Variants in TMEM151A observed in about 807,000 individuals in gnomAD.
TMEM151A encodes the protein transmembrane protein 151.
Under a neutral mutation model 33.7 loss-of-function variants are expected in TMEM151A, and 21 were observed. The ratio of observed to expected loss-of-function variants is 0.62; its 90% CI spans 0.44 to 0.90. The LOEUF (loss-of-function observed/expected upper bound fraction) is 0.90, where lower values mean the gene tolerates loss of function less well. Ranked by LOEUF, TMEM151A falls within the 40% of genes least tolerant of loss-of-function variation. The pLI is 0.00. For missense variants in TMEM151A, 704 were observed against 697.7 expected (o/e 1.01, Z -0.10); for synonymous variants, 374 against 330.3 (o/e 1.13, Z -1.43).
chr11:66,292,771 G>A lies in TMEM151A; in HGVS notation c.75+683G>A, dbSNP rs1857469649. ...TGTGCGCCCTGTAGTCAGGTGAGGG[G>A]CGAGTGGGTGCCTGGCTCGGGTTGT... On this transcript the variant is annotated intron_variant, in intron 1 of 1. Coordinates refer to ENST00000327259, the MANE Select transcript of TMEM151A (RefSeq NM_153266.4). This position sits in a 1 kb window ranked among gnomAD's most constrained non-coding sequence, Gnocchi z 4.7. Among the ~76,000 whole-genome samples the A allele has an allele frequency of 6.6e-6, 1 of 152,004 alleles. No individual in the cohort carries two copies. The highest frequency in any genetic ancestry group is 1.5e-5 in the Non-Finnish European group (1 of 68,010).
chr11:66,295,490 CG>C lies in TMEM151A; in HGVS notation c.1245del (p.Pro416GlnfsTer7). 1.4e-6 allele frequency: 2 copies of C among 1,397,860 alleles called. No individual in the cohort carries two copies. Among genetic ancestry groups the C allele is most frequent in the Non-Finnish European group, 1.9e-6 (2 of 1,077,666 alleles). The allele number at this position is 1,397,860 out of a possible 1,614,324, so 86.6% of individuals were successfully genotyped here. A position where few individuals can be genotyped will look rare whatever the true frequency, so the allele number is the denominator to read the frequency against. ...TCGCTGGGCGCTGGCGGCCGGGCCA[CG>C]CCAGGGGTCTTCCGCAGCCTGAGCG... ...RLSLGAGGRA[T>X]PGVFRSLSGG... On this transcript the variant is annotated frameshift_variant, in exon 2 of 2. Coordinates refer to ENST00000327259, the MANE Select transcript of TMEM151A (RefSeq NM_153266.4). LOFTEE classifies it high-confidence loss of function.
At chr11:66,294,221 G>A (rs2134898037) in intron 1 of TMEM151A, 101 bp from the exon 2 acceptor site, 1 of 1,514,450 alleles carries the variant, frequency 6.6e-7, no homozygotes, top group South Asian at 1.3e-5. Context: ...TCTGTAAAAT[G>A]GGGCTCACGG....
Position 66,295,258 on chromosome 11 carries a change from G to C in TMEM151A, c.1012G>C (p.Val338Leu). The C allele has an allele frequency of 6.4e-7, 1 of 1,561,930 alleles. No individual in the cohort carries two copies. The highest frequency in any genetic ancestry group is 8.7e-7 in the Non-Finnish European group (1 of 1,154,058). ...AVPSGPPLSR[V>L]ATVDFTELEW... ...GCCCAGCGGGCCCCCGCTGTCCCGC[G>C]TGGCCACAGTGGACTTCACTGAGCT... The change falls in exon 2 of 2, where the codon GTG becomes CTG. Residue 338 changes from valine (V) to leucine (L), a missense_variant. By Grantham distance (32) the Val-to-Leu change is conservative. Around this residue, in one of 3 missense-constraint regions of TMEM151A, gnomAD observed 398 missense variants for 356.0 expected, o/e 1.12. Transcript: ENST00000327259.
chr11:66,294,621 C>T lies in TMEM151A; in HGVS notation c.375C>T (p.Cys125=), dbSNP rs138482881. Residue 125 remains cysteine (C), a synonymous_variant, in exon 2 of 2, where the codon TGC becomes TGT. Coordinates refer to ENST00000327259, the MANE Select transcript of TMEM151A (RefSeq NM_153266.4). ...AECWHCHVRS[C]QAPRTDAHTV... ...GCTGGCACTGTCACGTGCGGTCCTG[C>T]CAGGCGCCACGCACCGACGCCCACA... The T allele has an allele frequency of 4.3e-4, 691 of 1,611,792 alleles. No homozygotes were observed. The highest frequency in any genetic ancestry group is 5.5e-4 in the Non-Finnish European group (652 of 1,179,242).
Position 66,296,122 on chromosome 11 carries a change from G to A in TMEM151A, c.*469G>A, listed in dbSNP as rs1254063385. On this transcript the variant is annotated 3_prime_UTR_variant, in exon 2 of 2. Transcript: ENST00000327259. ...CTTCCCTGGGGCTGAAGAGCTGGCT[G>A]TGGTGGCACCATGGCCTTGGCCCTG... is the stretch of plus-strand genomic sequence containing the variant. The A allele has an allele frequency of 1.3e-5, 2 of 155,102 alleles. No homozygotes were observed. Among genetic ancestry groups the A allele is most frequent in the African/African-American group, 4.8e-5 (2 of 41,558 alleles). The allele number at this position is 155,102 out of a possible 1,614,324, so 9.6% of individuals were successfully genotyped here. A position where few individuals can be genotyped will look rare whatever the true frequency, so the allele number is the denominator to read the frequency against.
Position 66,295,091 on chromosome 11 carries a change from ACG to A in TMEM151A, c.853_854del (p.Ala285LeufsTer60), listed in dbSNP as rs1565190424. 8 of 1,595,816 alleles carry A rather than the reference ACG, an allele frequency of 5.0e-6. No homozygotes were observed. Among genetic ancestry groups the A allele is most frequent in the Non-Finnish European group, 5.9e-6 (7 of 1,177,604 alleles). ...GCCGACCCCCGCAGCCCGCCCTGGT[ACG>A]CGCGCGCCTGGGTCTTCTGGCTCGT... On this transcript the variant is annotated frameshift_variant, in exon 2 of 2. Coordinates refer to ENST00000327259, the MANE Select transcript of TMEM151A (RefSeq NM_153266.4). LOFTEE classifies it high-confidence loss of function.
chr11:66,295,189 G>T lies in TMEM151A; in HGVS notation c.943G>T (p.Val315Leu). 2 of 1,586,494 alleles carry T rather than the reference G, an allele frequency of 1.3e-6. No homozygotes were observed. The highest frequency in any genetic ancestry group is 8.6e-7 in the Non-Finnish European group (1 of 1,169,256). Residue 315 changes from valine to leucine, a missense_variant, in exon 2 of 2, where the codon GTG (valine) becomes TTG (leucine). Val to Leu is a conservative substitution (Grantham distance 32). Coordinates refer to ENST00000327259, the MANE Select transcript of TMEM151A (RefSeq NM_153266.4). ...TGGCACGGCTCACGTGCACTACCAG[G>T]TGGAGAAGCTCTTTGGCGCCAGCTC... ...AYGTAHVHYQ[V>L]EKLFGASSPP... is the part of the protein sequence containing the mutation.
chr11:66,295,082 C>T lies in TMEM151A; in HGVS notation c.836C>T (p.Pro279Leu), dbSNP rs759553713. ...ATGGTCTTCGCCGACCCCCGCAGCC[C>T]GCCCTGGTACGCGCGCGCCTGGGTC... ...SLMVFADPRS[P>L]PWYARAWVFW... The change falls in exon 2 of 2, where the codon CCG becomes CTG. Residue 279 changes from proline to leucine, a missense_variant. Pro to Leu is a moderately conservative substitution (Grantham distance 98). Around this residue, in one of 3 missense-constraint regions of TMEM151A, gnomAD observed 398 missense variants for 356.0 expected, o/e 1.12. Transcript: ENST00000327259. 1.3e-6 allele frequency: 2 copies of T among 1,596,686 alleles called. No individual in the cohort carries two copies. Among genetic ancestry groups the T allele is most frequent in the South Asian group, 1.1e-5 (1 of 90,738 alleles).
chr11:66,292,711 C>G lies in TMEM151A; in HGVS notation c.75+623C>G, dbSNP rs923529797. Among the ~76,000 whole-genome samples the G allele has an allele frequency of 2.0e-5, 3 of 151,990 alleles. No individual in the cohort carries two copies. The highest frequency in any genetic ancestry group is 4.4e-5 in the Non-Finnish European group (3 of 67,974). ...GCATTTGGGTGAATGTAGCCTGCTT[C>G]TGTGTGTGTGTTGTGTGGGTGTGTG... On this transcript the variant is annotated intron_variant, in intron 1 of 1. Transcript: ENST00000327259. The surrounding 1 kb of genome is among the most constrained non-coding windows in gnomAD (Gnocchi z 4.7).
In TMEM151A at chr11:66,294,970, T is replaced by C; in HGVS notation, c.724T>C (p.Phe242Leu). The change falls in exon 2 of 2, where the codon TTC becomes CTC. Residue 242 changes from phenylalanine (F) to leucine (L), a missense_variant. By Grantham distance (22) the Phe-to-Leu change is conservative. Around this residue, in one of 3 missense-constraint regions of TMEM151A, gnomAD observed 398 missense variants for 356.0 expected, o/e 1.12. Transcript: ENST00000327259. ...CTCGTACCTCACGCAGCGGGCGCGC[T>C]TCTTCAGCGCCAACGAGGGCCTGGA... ...EASYLTQRARFFSANEGLDDY... is the reference protein window; with the variant it reads ...EASYLTQRARLFSANEGLDDY... The C allele has an allele frequency of 6.3e-7, 1 of 1,576,678 alleles. No homozygotes were observed. The highest frequency in any genetic ancestry group is 8.6e-7 in the Non-Finnish European group (1 of 1,168,500).
At position 66,295,508 on chromosome 11, in the gene TMEM151A, G is replaced by A. The variant is rs1857509426; in HGVS notation, c.1262G>A (p.Ser421Asn). Residue 421 changes from serine to asparagine, a missense_variant, in exon 2 of 2, where the codon AGC becomes AAC. By Grantham distance (46) the Ser-to-Asn change is conservative. This residue lies in a region of TMEM151A where 398 missense variants were observed against 356.0 expected (regional missense o/e 1.12). Transcript: ENST00000327259. ...CGGGCCACGCCAGGGGTCTTCCGCA[G>A]CCTGAGCGGGGGGCCGCTGGGGCGC... ...GGRATPGVFRSLSGGPLGRRG... is the reference protein window; with the variant it reads ...GGRATPGVFRNLSGGPLGRRG... The A allele has an allele frequency of 4.3e-6, 6 of 1,393,852 alleles. No individual in the cohort carries two copies. The highest frequency in any genetic ancestry group is 3.5e-5 in the Admixed American group (1 of 28,322). 86.3% of individuals were successfully genotyped at this position (1,393,852 alleles called of 1,614,324 possible).
chr11:66,291,973 C>A lies in TMEM151A; in HGVS notation c.-41C>A. 1 of 1,484,508 alleles carries A rather than the reference C, an allele frequency of 6.7e-7. No homozygotes were observed. The highest frequency in any genetic ancestry group is 1.2e-5 in the South Asian group (1 of 80,494). 92.0% of individuals were successfully genotyped at this position (1,484,508 alleles called of 1,614,324 possible). On this transcript the variant is annotated 5_prime_UTR_variant, in exon 1 of 2. Transcript: ENST00000327259. ...GCCCTCCGTGCTCCCCCCTATCATG[C>A]CCGGTGCCCAGGCTGGGGCCGCCCA...
rs1590899660 is a variant in TMEM151A, at chr11:66,292,053, G to A, written c.40G>A (p.Ala14Thr). Residue 14 changes from alanine (A) to threonine (T), a missense_variant, in exon 1 of 2, where the codon GCG (alanine) becomes ACG (threonine). This residue lies in a region of TMEM151A where 301 missense variants were observed against 323.4 expected (regional missense o/e 0.93). Coordinates refer to ENST00000327259, the MANE Select transcript of TMEM151A (RefSeq NM_153266.4). The surrounding 1 kb of genome is among the most constrained non-coding windows in gnomAD (Gnocchi z 4.7). ...CGCTGGCGACGGCGGGGAGGTGCCC[G>A]CGCTCATCCCGGACGGCGAGCCGCT... is the stretch of plus-strand genomic sequence containing the variant. ...DGAGDGGEVPALIPDGEPLRE... is the reference protein window; with the variant it reads ...DGAGDGGEVPTLIPDGEPLRE... 2 of 1,494,352 alleles carry A rather than the reference G, an allele frequency of 1.3e-6. No individual in the cohort carries two copies. Among genetic ancestry groups the A allele is most frequent in the East Asian group, 2.8e-5 (1 of 35,960 alleles). The allele number at this position is 1,494,352 out of a possible 1,614,324, so 92.6% of individuals were successfully genotyped here.
rs951258737 is a variant in TMEM151A, at chr11:66,296,011, C to T, written c.*358C>T. The T allele has an allele frequency of 4.9e-6, 1 of 202,918 alleles. No homozygotes were observed. Among genetic ancestry groups the T allele is most frequent in the African/African-American group, 2.3e-5 (1 of 43,162 alleles). 12.6% of individuals were successfully genotyped at this position (202,918 alleles called of 1,614,324 possible). On this transcript the variant is annotated 3_prime_UTR_variant, in exon 2 of 2. Coordinates refer to ENST00000327259, the MANE Select transcript of TMEM151A (RefSeq NM_153266.4). ...GCAGAGGCTGCCTGTGGACACTTCC[C>T]TACCGGGGCTGAGGCCATGCTGGGA...
rs898222931 is a variant in TMEM151A, at chr11:66,295,803, A to G, written c.*150A>G. 9 of 658,334 alleles carry G rather than the reference A, an allele frequency of 1.4e-5. No individual in the cohort carries two copies. Among genetic ancestry groups the G allele is most frequent in the Non-Finnish European group, 2.0e-5 (9 of 452,474 alleles). The allele number at this position is 658,334 out of a possible 1,614,324, so 40.8% of individuals were successfully genotyped here. A position where few individuals can be genotyped will look rare whatever the true frequency, so the allele number is the denominator to read the frequency against. The stretch of plus-strand genomic sequence containing the variant: ...GGTGGGGGTGGGGGTCCTTAAACAG[A>G]CTAAAATGCAGTTACCTGTGGTCAT... On this transcript the variant is annotated 3_prime_UTR_variant, in exon 2 of 2. Transcript: ENST00000327259.
In TMEM151A at chr11:66,295,420, G is replaced by C; in HGVS notation, c.1174G>C (p.Ala392Pro). The change falls in exon 2 of 2, where the codon GCC becomes CCC. Residue 392 changes from alanine to proline, a missense_variant. Transcript: ENST00000327259. ...TGTCAGCAGCAACTCGCTGCCCCCC[G>C]CCCGGCCCAGCGGGCCCCGCCTGCC... ...RSVSSNSLPPARPSGPRLPFS... is the reference protein window; with the variant it reads ...RSVSSNSLPPPRPSGPRLPFS... 6.7e-7 allele frequency: 1 copy of C among 1,496,548 alleles called. No individual in the cohort carries two copies. Among genetic ancestry groups the C allele is most frequent in the Non-Finnish European group, 8.9e-7 (1 of 1,123,922 alleles). The allele number at this position is 1,496,548 out of a possible 1,614,324, so 92.7% of individuals were successfully genotyped here. A position where few individuals can be genotyped will look rare whatever the true frequency, so the allele number is the denominator to read the frequency against.
rs763787557 is a variant in TMEM151A at position 66,294,342 on chromosome 11, C to T, written c.96C>T (p.Ser32=). The T allele has an allele frequency of 6.2e-7, 1 of 1,609,420 alleles. No homozygotes were observed. The highest frequency in any genetic ancestry group is 2.2e-5 in the East Asian group (1 of 44,880). Residue 32 remains serine, a synonymous_variant, in exon 2 of 2, where the codon TCC becomes TCT. Transcript: ENST00000327259. ...LREEQRPLKQ[S]LGSSLCRESH... is the part of the protein sequence containing the mutation. ...TGCAGCAGCGGCCCCTGAAACAGTC[C>T]CTGGGAAGCTCCCTGTGCCGCGAGT...
At position 66,295,526 on chromosome 11, in the gene TMEM151A, TG is replaced by T; in HGVS notation, c.1284del (p.Arg429AlafsTer59). ...TTCCGCAGCCTGAGCGGGGGGCCGC[TG>T]GGGCGCCGTGGAGAGGACACGGAAC... is the stretch of plus-strand genomic sequence containing the variant. ...GVFRSLSGGP[L>X]GRRGEDTEPL... On this transcript the variant is annotated frameshift_variant, in exon 2 of 2. Coordinates refer to ENST00000327259, the MANE Select transcript of TMEM151A (RefSeq NM_153266.4). LOFTEE classifies it high-confidence loss of function. 7.1e-7 allele frequency: 1 copy of T among 1,404,162 alleles called. No individual in the cohort carries two copies. Among genetic ancestry groups the T allele is most frequent in the Non-Finnish European group, 9.3e-7 (1 of 1,078,480 alleles). The allele number at this position is 1,404,162 out of a possible 1,614,324, so 87.0% of individuals were successfully genotyped here.
At position 66,295,066 on chromosome 11, in the gene TMEM151A, G is replaced by A. The variant is rs373216149; in HGVS notation, c.820G>A (p.Ala274Thr). Residue 274 changes from alanine (A) to threonine (T), a missense_variant, in exon 2 of 2, where the codon GCC (alanine) becomes ACC (threonine). Around this residue, in one of 3 missense-constraint regions of TMEM151A, gnomAD observed 398 missense variants for 356.0 expected, o/e 1.12. Coordinates refer to ENST00000327259, the MANE Select transcript of TMEM151A (RefSeq NM_153266.4). ...VDFRESLMVF[A>T]DPRSPPWYAR... ...CTTCCGCGAGTCGCTCATGGTCTTC[G>A]CCGACCCCCGCAGCCCGCCCTGGTA... is the stretch of plus-strand genomic sequence containing the variant. 104 of 1,598,106 alleles carry A rather than the reference G, an allele frequency of 6.5e-5. No individual in the cohort carries two copies. The highest frequency in any genetic ancestry group is 2.7e-4 in the Admixed American group (16 of 59,894).
Sources: allele counts gnomAD v4.1 joint callset (sites outside exome capture counted in the v4.1 genomes callset), GRCh38; gene constraint gnomAD v4.1.1; regional missense constraint gnomAD v4.1.1; non-coding constraint Gnocchi (gnomAD v3.1); transcripts MANE v1.5; gene names NCBI Gene and HGNC (gene_info 2026-07-23, HGNC 2026-07-21).